DNAH2: variants seen among roughly 807,000 people sequenced by gnomAD.
DNAH2 encodes axonemal beta dynein heavy chain 2.
A neutral mutation model predicts 523.5 loss-of-function variants in DNAH2; 323 were observed. The ratio of observed to expected loss-of-function variants is 0.62; its 90% CI spans 0.56 to 0.68. The LOEUF (loss-of-function observed/expected upper bound fraction) is 0.68. DNAH2 is among the 30% of genes least tolerant of loss of function. DNAH2 has a pLI of 0.00. For synonymous variants in DNAH2, 2,093 were observed against 2,177.4 expected (o/e 0.96, Z 1.08); for missense variants, 4,907 against 5,701.5 (o/e 0.86, Z 4.49).
In DNAH2 at chr17:7,804,485, C is replaced by T. The variant is rs2077310644; in HGVS notation, c.9183+19C>T. The T allele has an allele frequency of 1.2e-6, 2 of 1,608,856 alleles. No individual in the cohort carries two copies. Among genetic ancestry groups the T allele is most frequent in the Non-Finnish European group, 1.7e-6 (2 of 1,178,078 alleles). ...GCAGAAGGTCCAGGGCCCACGCCCA[C>T]CCCCCGTGCCCCACTCCCACCAGTG... On this transcript the variant is annotated intron_variant, in intron 59 of 85. Transcript: ENST00000572933.
chr17:7,733,099 C>G lies in DNAH2; in HGVS notation c.412C>G (p.Leu138Val), dbSNP rs1267016023. ...GTCTTCCATGCAGACCCAGAACCAG[C>G]TTGTCTACTTCATTCGCCAAGCACC... Reference protein sequence around the residue: ...LGMPVQTQNQLVYFIRQAPVP... With the variant: ...LGMPVQTQNQVVYFIRQAPVP... Residue 138 changes from leucine (L) to valine (V), a missense_variant, in exon 5 of 86, where the codon CTT becomes GTT. By Grantham distance (32) the Leu-to-Val change is conservative. Transcript: ENST00000572933. 1 of 1,614,176 alleles carries G rather than the reference C, an allele frequency of 6.2e-7. No individual in the cohort carries two copies. The highest frequency in any genetic ancestry group is 1.7e-5 in the Admixed American group (1 of 60,014).
rs1597544107 is a variant in DNAH2 at position 7,754,923 on chromosome 17, G to T, written c.1905-2168G>T. On this transcript the variant is annotated intron_variant, in intron 12 of 85. Transcript: ENST00000572933. The surrounding 1 kb of genome is among the most constrained non-coding windows in gnomAD (Gnocchi z 4.6). ...CACCCCGGGCTGCCGTCTGCATGGG[G>T]CTGGGGTCCTCCTGCGCTATTGGTA... The T allele has an allele frequency of 1.9e-6, 1 of 537,188 alleles. No homozygotes were observed. The highest frequency in any genetic ancestry group is 2.9e-5 in the East Asian group (1 of 34,398). The allele number at this position is 537,188 out of a possible 1,614,324, so 33.3% of individuals were successfully genotyped here.
In DNAH2 at chr17:7,833,520, G is replaced by A. The variant is rs530438615; in HGVS notation, c.13271G>A (p.Ser4424Asn). The change falls in exon 86 of 86, where the codon AGC (serine) becomes AAC (asparagine). Residue 4424 changes from serine to asparagine, a missense_variant. Around this residue, in one of 3 missense-constraint regions of DNAH2, gnomAD observed 1,851 missense variants for 2,139.4 expected, o/e 0.87. Coordinates refer to ENST00000572933, the MANE Select transcript of DNAH2 (RefSeq NM_020877.5). ...AAGAGGGGCACTGCTCTACTCATGAGCCTGGACAGCTGAGACCTCCTCCTC... is the reference window on the plus strand; with the variant it reads ...AAGAGGGGCACTGCTCTACTCATGAACCTGGACAGCTGAGACCTCCTCCTC... ...WIKRGTALLM[S>N]LDS The A allele has an allele frequency of 6.2e-7, 1 of 1,613,884 alleles. No homozygotes were observed. The highest frequency in any genetic ancestry group is 2.2e-5 in the East Asian group (1 of 44,880).
At chr17:7,737,289 G>A in intron 8 of DNAH2, 31 bp downstream of exon 8, 1 of 1,599,234 alleles carries the variant, frequency 6.3e-7, no homozygotes, top group African/African-American at 1.3e-5. Flanking sequence ...GGATGGAGGG[G>A]TTTATGAGGG....
chr17:7,816,835 A>C, intron 64 of DNAH2, 100 bp downstream of exon 64: 3 of 1,454,810 alleles, frequency 2.1e-6, no homozygotes, highest in Non-Finnish European at 1.9e-6. Context: ...AAACGGGGAC[A>C]CCTGGGTATA....
intron 3 of DNAH2, 72 bp from the exon 4 acceptor site, chr17:7,727,050 G>A (rs1034684644): frequency 1.4e-6 from 2 of 1,455,738 alleles, no homozygotes; most frequent in Non-Finnish European, 1.8e-6. Flanking sequence ...GTCCTCACTT[G>A]TGATTGTGGA....
At chr17:7,769,229 T>A (rs2076251736) in intron 24 of DNAH2, among the ~76,000 whole-genome samples, 1 of 152,190 alleles carries the variant, frequency 6.6e-6, no homozygotes, top group Non-Finnish European at 1.5e-5. Context: ...TGCTGTGATC[T>A]CGGCTCACTG....
At chr17:7,756,657 A>ATTT (rs2075847979) in intron 12 of DNAH2, among the ~76,000 whole-genome samples, 1 of 151,674 alleles carries the variant, frequency 6.6e-6, no homozygotes, top group Non-Finnish European at 1.5e-5. Flanking sequence ...TTAATGGGAT[A>ATTT]TTTTCTATTA....
intron 46 of DNAH2, 132 bp from the exon 47 acceptor site, chr17:7,792,525 G>A (rs1226087408): frequency 5.1e-6 from 5 of 971,692 alleles, no homozygotes; most frequent in African/African-American, 4.8e-5. Context: ...TCTCTGAGGG[G>A]AGCACATGAT....
chr17:7,745,748 C>T (rs566067896), intron 12 of DNAH2, among the ~76,000 whole-genome samples: 3 of 150,148 alleles, frequency 2.0e-5, no homozygotes, highest in African/African-American at 7.4e-5. Context: ...TGTGATCGTG[C>T]CACTGCACTC....
Position 7,777,461 on chromosome 17 carries a change from A to G in DNAH2, c.5074A>G (p.Lys1692Glu). ...CATGCCACAGGTGTCAATCCTGAAT[A>G]AGTATTCAGAAGCCATCAGGGGGAA... Reference protein sequence around the residue: ...MKKNQVSILNKYSEAIRGNLT... With the variant: ...MKKNQVSILNEYSEAIRGNLT... The change falls in exon 33 of 86, where the codon AAG becomes GAG. Residue 1692 changes from lysine to glutamate, a missense_variant. Lys to Glu is a moderately conservative substitution (Grantham distance 56). Coordinates refer to ENST00000572933, the MANE Select transcript of DNAH2 (RefSeq NM_020877.5). The G allele has an allele frequency of 6.2e-7, 1 of 1,614,166 alleles. No individual in the cohort carries two copies. The highest frequency in any genetic ancestry group is 8.5e-7 in the Non-Finnish European group (1 of 1,180,028).
chr17:7,829,704 TGAG>T (rs2078114856), intron 77 of DNAH2, among the ~76,000 whole-genome samples: 1 of 152,028 alleles, frequency 6.6e-6, no homozygotes, highest in Non-Finnish European at 1.5e-5. Flanking sequence ...TACCTACCAC[TGAG>T]AACATCAGGG....
At chr17:7,781,236 A>G (rs1158994730) in intron 39 of DNAH2, 69 bp downstream of exon 39, 6 of 1,580,046 alleles carry the variant, frequency 3.8e-6, no homozygotes, top group Admixed American at 1.7e-5. Flanking sequence ...GCACTTTGGG[A>G]GGCCGAGGTG....
chr17:7,752,594 C>A (rs914086501), intron 12 of DNAH2, among the ~76,000 whole-genome samples: 143 of 152,098 alleles, frequency 9.4e-4, no homozygotes, highest in Non-Finnish European at 2.0e-3. Context: ...CCTGTAGTCC[C>A]AGCTACTCAG....
chr17:7,765,586 C>T, intron 21 of DNAH2, 21 bp downstream of exon 21: 1 of 1,601,536 alleles, frequency 6.2e-7, no homozygotes. Flanking sequence ...ATCCACCTCT[C>T]CCGCTTCTTT....
At position 7,740,424 on chromosome 17, in the gene DNAH2, C is replaced by G. The variant is rs775557816; in HGVS notation, c.1381C>G (p.Arg461Gly). The part of the protein sequence containing the change: ...TCWHEDYNKF[R>G]AGIKDLEVMT... ...CATGCCTCTCCACCGGTGCAGGTTCCGTGCCGGAATCAAGGACCTGGAGGT... is the reference window on the plus strand; with the variant it reads ...CATGCCTCTCCACCGGTGCAGGTTCGGTGCCGGAATCAAGGACCTGGAGGT... The change falls in exon 10 of 86, where the codon CGT becomes GGT. Residue 461 changes from arginine (R) to glycine (G), a missense_variant. This residue lies in a region of DNAH2 where 2,806 missense variants were observed against 3,190.8 expected (regional missense o/e 0.88). Coordinates refer to ENST00000572933, the MANE Select transcript of DNAH2 (RefSeq NM_020877.5). The G allele has an allele frequency of 3.7e-6, 6 of 1,614,116 alleles. No homozygotes were observed. Among genetic ancestry groups the G allele is most frequent in the Non-Finnish European group, 8.5e-7 (1 of 1,179,988 alleles).
At chr17:7,785,688 T>G (rs2076714443) in intron 39 of DNAH2, among the ~76,000 whole-genome samples, 1 of 152,260 alleles carries the variant, frequency 6.6e-6, no homozygotes, top group Non-Finnish European at 1.5e-5. Flanking sequence ...TCTTTACTAT[T>G]AAACGGGCTC....
chr17:7,803,021 A>C (rs1016460634), intron 58 of DNAH2, among the ~76,000 whole-genome samples: 2 of 152,050 alleles, frequency 1.3e-5, no homozygotes, highest in Non-Finnish European at 2.9e-5. Context: ...ACGGATGTGG[A>C]TACGGAAGGC....
At chr17:7,749,508 C>T in intron 12 of DNAH2, among the ~76,000 whole-genome samples, 1 of 151,840 alleles carries the variant, frequency 6.6e-6, no homozygotes, top group Non-Finnish European at 1.5e-5. Context: ...GTTTATGCTA[C>T]TAGAAATGTT....
Sources: gnomAD v4.1 joint callset for allele counts (sites outside exome capture counted in the v4.1 genomes callset) on GRCh38, gnomAD v4.1.1 for gene constraint, gnomAD v4.1.1 regional missense constraint, Gnocchi (gnomAD v3.1) non-coding constraint, MANE v1.5 for transcripts, NCBI Gene and HGNC (gene_info 2026-07-23, HGNC 2026-07-21) for gene names.